Variants in ATRNL1 observed in about 807,000 individuals in gnomAD.
ATRNL1 encodes attractin-like protein 1.
Under a neutral mutation model 182.7 loss-of-function variants are expected in ATRNL1, and 95 were observed. The ratio of observed to expected loss-of-function variants is 0.52; its 90% CI spans 0.44 to 0.62. ATRNL1 has a LOEUF of 0.62. ATRNL1 is among the 20% of genes least tolerant of loss of function. ATRNL1 has a pLI of 0.00. For missense variants in ATRNL1, 1,471 were observed against 1,679.5 expected, an observed-to-expected ratio of 0.88 and a Z score of 2.17; for synonymous variants, 576 against 568.3, an observed-to-expected ratio of 1.01 and a Z score of -0.19.
At chr10:115,132,378 C>T (rs1845288494) in intron 5 of ATRNL1, among the ~76,000 whole-genome samples, 1 of 152,048 alleles carries the variant, frequency 6.6e-6, no homozygotes, top group South Asian at 2.1e-4. Flanking sequence ...GTGAATAGTG[C>T]CGCAATAAAC....
chr10:115,343,083 T>C (rs1232445831), intron 19 of ATRNL1, among the ~76,000 whole-genome samples: 1 of 152,172 alleles, frequency 6.6e-6, no homozygotes, highest in Non-Finnish European at 1.5e-5. Flanking sequence ...GATTGATTAC[T>C]AAATGCCTTG....
chr10:115,519,429 A>T (rs1237093431), intron 25 of ATRNL1, 105 bp downstream of exon 25: 3 of 908,308 alleles, frequency 3.3e-6, no homozygotes, highest in African/African-American at 1.7e-5. Flanking sequence ...TTAAAGTATC[A>T]TAGAGTATGT....
At chr10:115,897,796 G>A (rs782230014) in intron 28 of ATRNL1, among the ~76,000 whole-genome samples, 10 of 152,142 alleles carry the variant, frequency 6.6e-5, no homozygotes, top group African/African-American at 1.2e-4. Flanking sequence ...CAACACTTTC[G>A]CCAACTCTGG....
intron 24 of ATRNL1, among the ~76,000 whole-genome samples, chr10:115,515,440 C>T (rs1411215228): frequency 2.0e-5 from 3 of 150,536 alleles, no homozygotes; most frequent in Non-Finnish European, 3.0e-5. Context: ...CCTTGGATTG[C>T]ATTTGTTAAT....
At chr10:115,508,354 A>G (rs1487826501) in intron 24 of ATRNL1, among the ~76,000 whole-genome samples, 2 of 152,028 alleles carry the variant, frequency 1.3e-5, no homozygotes, top group South Asian at 2.1e-4. Flanking sequence ...TAATAATGCT[A>G]CAATTGCTTC....
intron 24 of ATRNL1, among the ~76,000 whole-genome samples, chr10:115,514,313 A>G (rs1850531520): frequency 6.6e-6 from 1 of 152,018 alleles, no homozygotes; most frequent in Admixed American, 6.6e-5. Context: ...TTCTTATGAA[A>G]ACTTTTACAT....
intron 26 of ATRNL1, among the ~76,000 whole-genome samples, chr10:115,715,896 T>C (rs1176860388): frequency 6.6e-6 from 1 of 152,186 alleles, no homozygotes. Flanking sequence ...CTTAGTAACC[T>C]CCAGTATTCC....
chr10:115,131,255 T>C (rs1845220484), intron 5 of ATRNL1, among the ~76,000 whole-genome samples: 1 of 152,118 alleles, frequency 6.6e-6, no homozygotes, highest in African/African-American at 2.4e-5. Context: ...TATATACACA[T>C]ATATTTATAA....
chr10:115,262,895 T>C (rs1444949811), intron 10 of ATRNL1, among the ~76,000 whole-genome samples: 4 of 151,988 alleles, frequency 2.6e-5, no homozygotes, highest in African/African-American at 9.7e-5. Context: ...CAAGAGGAAC[T>C]GTTGTACACT....
At chr10:115,384,444 T>G (rs1389603838) in intron 19 of ATRNL1, among the ~76,000 whole-genome samples, 2 of 151,142 alleles carry the variant, frequency 1.3e-5, no homozygotes, top group African/African-American at 2.4e-5. Flanking sequence ...AATATAAGGG[T>G]TTTTTTTTCT....
intron 27 of ATRNL1, among the ~76,000 whole-genome samples, chr10:115,733,503 T>C (rs1356616860): frequency 7.2e-5 from 11 of 152,202 alleles, no homozygotes; most frequent in Non-Finnish European, 1.6e-4. Context: ...TCGTATCTTA[T>C]GTAAGAAACC....
intron 27 of ATRNL1, among the ~76,000 whole-genome samples, chr10:115,790,211 C>T (rs113475383): frequency 2.0e-5 from 3 of 151,694 alleles, no homozygotes; most frequent in African/African-American, 7.3e-5. Context: ...GTCACCCAGC[C>T]TCTACCCAGT....
chr10:115,310,395 C>G (rs561257290), intron 17 of ATRNL1, among the ~76,000 whole-genome samples: 1 of 151,950 alleles, frequency 6.6e-6, no homozygotes, highest in African/African-American at 2.4e-5. Context: ...TCTTTTGCAA[C>G]AGTTTCAGTA....
intron 9 of ATRNL1, among the ~76,000 whole-genome samples, chr10:115,218,630 C>T (rs1849322505): frequency 6.6e-6 from 1 of 152,192 alleles, no homozygotes; most frequent in African/African-American, 2.4e-5. Flanking sequence ...AAAATCTCTT[C>T]TAATGTTTGA....
chr10:115,211,043 ACTT>A (rs1306358548), intron 8 of ATRNL1, among the ~76,000 whole-genome samples: 30 of 137,432 alleles, frequency 2.2e-4, no homozygotes, highest in African/African-American at 7.1e-4. Flanking sequence ...TGTTGTCCTG[ACTT>A]CTTTTTTTTT....
chr10:115,873,984 C>T (rs1951642436), intron 28 of ATRNL1, among the ~76,000 whole-genome samples: 1 of 152,200 alleles, frequency 6.6e-6, no homozygotes, highest in Non-Finnish European at 1.5e-5. Flanking sequence ...CTAGGAATTA[C>T]TCAAGACAGA....
intron 1 of ATRNL1, among the ~76,000 whole-genome samples, chr10:115,102,967 T>G (rs906246681): frequency 6.6e-6 from 1 of 152,060 alleles, no homozygotes; most frequent in Non-Finnish European, 1.5e-5. Context: ...TTTCATCTAT[T>G]TGGGTTTTCA....
intron 8 of ATRNL1, among the ~76,000 whole-genome samples, chr10:115,210,667 G>C (rs1848986110): frequency 6.6e-6 from 1 of 151,330 alleles, no homozygotes; most frequent in South Asian, 2.1e-4. Context: ...CTCTTTACTT[G>C]CTTCCTGTGG....
intron 19 of ATRNL1, among the ~76,000 whole-genome samples, chr10:115,371,448 G>A (rs1034412881): frequency 3.9e-5 from 6 of 152,194 alleles, no homozygotes; most frequent in Non-Finnish European, 7.3e-5. Context: ...CAAGACCATG[G>A]GAACACACCT....
Sources: allele counts gnomAD v4.1 joint callset (sites outside exome capture counted in the v4.1 genomes callset), GRCh38; gene constraint gnomAD v4.1.1; transcripts MANE v1.5; gene names NCBI Gene and HGNC (gene_info 2026-07-23, HGNC 2026-07-21).